Variants in PLEKHA3 observed in about 807,000 individuals in gnomAD.
PLEKHA3 encodes pleckstrin homology domain containing A3.
Under a neutral mutation model 39.2 loss-of-function variants are expected in PLEKHA3, and 19 were observed. The observed-to-expected ratio is 0.48, with a 90% CI of 0.34 to 0.71. The LOEUF (loss-of-function observed/expected upper bound fraction) is 0.71. PLEKHA3 is among the 30% of genes least tolerant of loss of function. The pLI is 0.01. For synonymous variants in PLEKHA3, 97 were observed against 118.6 expected (o/e 0.82, Z 1.18); for missense variants, 253 against 359.5 (o/e 0.70, Z 2.40).
intron 2 of PLEKHA3, among the ~76,000 whole-genome samples, chr2:178,490,316 A>G (rs1387228559): frequency 6.6e-6 from 1 of 152,238 alleles, no homozygotes; most frequent in East Asian, 1.9e-4. Flanking sequence ...GAAATCAGTA[A>G]AAAATATGTG....
intron 2 of PLEKHA3, among the ~76,000 whole-genome samples, chr2:178,487,071 GA>G (rs948987915): frequency 4.6e-5 from 7 of 152,218 alleles, no homozygotes; most frequent in African/African-American, 1.7e-4. Context: ...GGAAAAGTGG[GA>G]ATTTATAGCC....
At chr2:178,498,402 C>T (rs978145836) in intron 5 of PLEKHA3, among the ~76,000 whole-genome samples, 3 of 152,170 alleles carry the variant, frequency 2.0e-5, no homozygotes, top group African/African-American at 7.2e-5. Context: ...ATTTGCATAA[C>T]ATCAATGTTA....
intron 3 of PLEKHA3, among the ~76,000 whole-genome samples, chr2:178,493,540 C>T (rs1408762416): frequency 8.5e-5 from 13 of 152,124 alleles, no homozygotes; most frequent in Admixed American, 8.5e-4. Flanking sequence ...AAAAGCAATT[C>T]ACAAAAGAAA....
rs374993732 is a variant in PLEKHA3 at position 178,494,123 on chromosome 2, A to G, written c.450+134A>G. On this transcript the variant is annotated intron_variant, in intron 4 of 7. Coordinates refer to ENST00000234453, the MANE Select transcript of PLEKHA3 (RefSeq NM_019091.4). ...CTTTTCTGGGTTCTGCCTACTGTAT[A>G]CTATCTGGAAATCTGTAGCATCTTC... 1,832 of 924,842 alleles carry G rather than the reference A, an allele frequency of 2.0e-3. 10 individuals are homozygous for G. The highest frequency in any genetic ancestry group is 2.1e-3 in the Non-Finnish European group (1,325 of 628,976). 57.3% of individuals were successfully genotyped at this position (924,842 alleles called of 1,614,324 possible).
rs1685570586 is a variant in PLEKHA3 at position 178,504,032 on chromosome 2, A to T, written c.*145A>T. ...ACAGACAAACAAGAAAACAAACCAC[A>T]TACTTTTGAAGTGTATTTTATCTTT... On this transcript the variant is annotated 3_prime_UTR_variant, in exon 8 of 8. Coordinates refer to ENST00000234453, the MANE Select transcript of PLEKHA3 (RefSeq NM_019091.4). 1.2e-6 allele frequency: 1 copy of T among 810,078 alleles called. No individual in the cohort carries two copies. Among genetic ancestry groups the T allele is most frequent in the African/African-American group, 1.7e-5 (1 of 57,574 alleles). The allele number at this position is 810,078 out of a possible 1,614,324, so 50.2% of individuals were successfully genotyped here. A position where few individuals can be genotyped will look rare whatever the true frequency, so the allele number is the denominator to read the frequency against.
rs1166119926 is a variant in PLEKHA3 at position 178,505,481 on chromosome 2, C to T, written c.*1594C>T. The T allele has an allele frequency of 6.6e-6, 1 of 150,736 alleles. No homozygotes were observed. 9.3% of individuals were successfully genotyped at this position (150,736 alleles called of 1,614,324 possible). A position where few individuals can be genotyped will look rare whatever the true frequency, so the allele number is the denominator to read the frequency against. ...CTTTGCCTGCTCATAAGTTGTACTT[C>T]ATATGTCTAATTTGAAAAAAAAAGT... is the stretch of plus-strand genomic sequence containing the variant. On this transcript the variant is annotated 3_prime_UTR_variant, in exon 8 of 8. Coordinates refer to ENST00000234453, the MANE Select transcript of PLEKHA3 (RefSeq NM_019091.4).
chr2:178,497,128 G>C (rs1685461934), intron 5 of PLEKHA3, among the ~76,000 whole-genome samples: 1 of 151,830 alleles, frequency 6.6e-6, no homozygotes, highest in South Asian at 2.1e-4. Context: ...GAATCTCTGA[G>C]AGGTGGAAGT....
At chr2:178,499,356 G>T in intron 6 of PLEKHA3, 102 bp downstream of exon 6, 1 of 1,086,240 alleles carries the variant, frequency 9.2e-7, no homozygotes, top group East Asian at 2.5e-5. Context: ...ACTCTGTATG[G>T]GTTAGGTCTG....
chr2:178,486,348 C>T (rs73973118), intron 2 of PLEKHA3, among the ~76,000 whole-genome samples: 2,858 of 151,856 alleles, frequency 0.019, 93 homozygotes, highest in African/African-American at 0.066. Context: ...GGGGTGGAGG[C>T]GAAATCAGAT....
Position 178,514,368 on chromosome 2 carries a change from T to C in PLEKHA3, c.*10481T>C, listed in dbSNP as rs1685730134. Reference sequence around the variant, plus strand: ...GCAGGGGTAACTATCATCGAGAATATAGGGCAATGGGTATATTCTAACTTT... The same window carrying C: ...GCAGGGGTAACTATCATCGAGAATACAGGGCAATGGGTATATTCTAACTTT... On this transcript the variant is annotated 3_prime_UTR_variant, in exon 8 of 8. Transcript: ENST00000234453. 1 of 152,116 alleles carries C rather than the reference T, an allele frequency of 6.6e-6. No homozygotes were observed. The highest frequency in any genetic ancestry group is 2.4e-5 in the African/African-American group (1 of 41,424). 9.4% of individuals were successfully genotyped at this position (152,116 alleles called of 1,614,324 possible).
At position 178,505,832 on chromosome 2, in the gene PLEKHA3, TA is replaced by T. The variant is rs1685594829; in HGVS notation, c.*1949del. The T allele has an allele frequency of 6.6e-6, 1 of 152,080 alleles. No homozygotes were observed. Among genetic ancestry groups the T allele is most frequent in the African/African-American group, 2.4e-5 (1 of 41,440 alleles). The allele number at this position is 152,080 out of a possible 1,614,324, so 9.4% of individuals were successfully genotyped here. ...CTGGTTTGTATCATTTTTTCCCCCT[TA>T]AAACAGGTCCTTGAACAGGTTTGCG... On this transcript the variant is annotated 3_prime_UTR_variant, in exon 8 of 8. Transcript: ENST00000234453.
chr2:178,512,966 T>G lies in PLEKHA3; in HGVS notation c.*9079T>G, dbSNP rs1685709504. The G allele has an allele frequency of 6.5e-6, 1 of 153,732 alleles. No individual in the cohort carries two copies. The highest frequency in any genetic ancestry group is 2.4e-5 in the African/African-American group (1 of 41,424). The allele number at this position is 153,732 out of a possible 1,614,324, so 9.5% of individuals were successfully genotyped here. ...GACCTTTTTCCTGTGTATTGACTTTTAAATAGATGTACATTGCAATAGTTT... is the reference window on the plus strand; with the variant it reads ...GACCTTTTTCCTGTGTATTGACTTTGAAATAGATGTACATTGCAATAGTTT... On this transcript the variant is annotated 3_prime_UTR_variant, in exon 8 of 8. Coordinates refer to ENST00000234453, the MANE Select transcript of PLEKHA3 (RefSeq NM_019091.4).
At chr2:178,481,814 C>T (rs1286545908) in intron 1 of PLEKHA3, 1 of 140,348 alleles carries the variant, frequency 7.1e-6, no homozygotes, top group Non-Finnish European at 1.5e-5. Flanking sequence ...ATGGTTTTAA[C>T]ATAAATTTGA....
At position 178,508,050 on chromosome 2, in the gene PLEKHA3, G is replaced by GGTGTGTGT. The variant is rs71023446; in HGVS notation, c.*4195_*4202dup. 43 of 142,224 alleles carry GGTGTGTGT rather than the reference G, an allele frequency of 3.0e-4. No homozygotes were observed. Among genetic ancestry groups the GGTGTGTGT allele is most frequent in the African/African-American group, 7.6e-4 (29 of 37,912 alleles). The allele number at this position is 142,224 out of a possible 1,614,324, so 8.8% of individuals were successfully genotyped here. A position where few individuals can be genotyped will look rare whatever the true frequency, so the allele number is the denominator to read the frequency against. ...TAGAGATTTGTCTGCTTCAGTTCTG[G>GGTGTGTGT]GTGTGTGTGTGTGTGTGTGTGTGTG... is the stretch of plus-strand genomic sequence containing the variant. On this transcript the variant is annotated 3_prime_UTR_variant, in exon 8 of 8. Coordinates refer to ENST00000234453, the MANE Select transcript of PLEKHA3 (RefSeq NM_019091.4).
intron 2 of PLEKHA3, chr2:178,488,898 G>A (rs529017991): frequency 2.2e-5 from 9 of 402,602 alleles, no homozygotes; most frequent in South Asian, 1.2e-4. Flanking sequence ...TTGTAGTTTT[G>A]TGTTTAGAGG....
chr2:178,480,791 G>C lies in PLEKHA3; in HGVS notation c.-79G>C. The C allele has an allele frequency of 8.0e-7, 1 of 1,243,734 alleles. No homozygotes were observed. The highest frequency in any genetic ancestry group is 1.0e-6 in the Non-Finnish European group (1 of 966,622). The allele number at this position is 1,243,734 out of a possible 1,614,324, so 77.0% of individuals were successfully genotyped here. Reference sequence around the variant, plus strand: ...AGGGGGCCCGGGCGGGCCGGGAGGGGCTGCCCCAGGCCCTGCGCCTACCCC... The same window carrying C: ...AGGGGGCCCGGGCGGGCCGGGAGGGCCTGCCCCAGGCCCTGCGCCTACCCC... On this transcript the variant is annotated 5_prime_UTR_variant, in exon 1 of 8. Coordinates refer to ENST00000234453, the MANE Select transcript of PLEKHA3 (RefSeq NM_019091.4).
At chr2:178,496,426 T>C (rs1159378251) in intron 5 of PLEKHA3, among the ~76,000 whole-genome samples, 1 of 152,244 alleles carries the variant, frequency 6.6e-6, no homozygotes, top group Non-Finnish European at 1.5e-5. Context: ...ACCTTGTTGC[T>C]GTTTCAGCAA....
At chr2:178,488,637 C>G (rs1472891494) in intron 2 of PLEKHA3, among the ~76,000 whole-genome samples, 1 of 152,148 alleles carries the variant, frequency 6.6e-6, no homozygotes, top group Non-Finnish European at 1.5e-5. Flanking sequence ...TAGCTTTATT[C>G]TCTTTGTATC....
rs1386025075 is a variant in PLEKHA3 at position 178,514,148 on chromosome 2, G to T, written c.*10261G>T. 4 of 149,928 alleles carry T rather than the reference G, an allele frequency of 2.7e-5. No homozygotes were observed. Among genetic ancestry groups the T allele is most frequent in the Non-Finnish European group, 5.9e-5 (4 of 67,722 alleles). The allele number at this position is 149,928 out of a possible 1,614,324, so 9.3% of individuals were successfully genotyped here. A position where few individuals can be genotyped will look rare whatever the true frequency, so the allele number is the denominator to read the frequency against. On this transcript the variant is annotated 3_prime_UTR_variant, in exon 8 of 8. Coordinates refer to ENST00000234453, the MANE Select transcript of PLEKHA3 (RefSeq NM_019091.4). ...GAGAAAAGTGTGTAGCAATAAGTAC[G>T]CACACTTACTGTGGTTTACCATCAT...
Sources: gnomAD v4.1 joint callset for allele counts (sites outside exome capture counted in the v4.1 genomes callset) on GRCh38, gnomAD v4.1.1 for gene constraint, MANE v1.5 for transcripts, NCBI Gene and HGNC (gene_info 2026-07-23, HGNC 2026-07-21) for gene names.